The following DST variants were observed in gnomAD, a reference collection of about 807,000 sequenced individuals.
DST encodes bullous pemphigoid antigen.
DST carries 253 observed loss-of-function variants against 875.2 expected under a neutral mutation model. The ratio of observed to expected loss-of-function variants is 0.29; its 90% confidence interval spans 0.26 to 0.32. The LOEUF (loss-of-function observed/expected upper bound fraction) is 0.32. DST is among the 10% of genes least tolerant of loss of function. The probability of loss-of-function intolerance (pLI) is 1.00; values close to 1 mark genes in which losing one functional copy is unlikely to be tolerated. For missense variants in DST, 8,287 were observed against 9,111.6 expected (o/e 0.91, Z 3.68); for synonymous variants, 3,124 against 3,197.1 (o/e 0.98, Z 0.77).
chr6:56,653,558 G>A (rs139981559), intron 10 of DST, among the ~76,000 whole-genome samples: 193 of 152,008 alleles, frequency 1.3e-3, no homozygotes, highest in African/African-American at 4.3e-3. Flanking sequence ...GATGGCAGGC[G>A]CCTGTAATCC....
At chr6:56,496,820 A>G (rs1471817936) in intron 82 of DST, among the ~76,000 whole-genome samples, 1 of 152,178 alleles carries the variant, frequency 6.6e-6, no homozygotes, top group Non-Finnish European at 1.5e-5. Flanking sequence ...TACACCATGG[A>G]ATACTATGCA....
chr6:56,798,626 A>T (rs2153017659), intron 4 of DST, among the ~76,000 whole-genome samples: 2 of 152,336 alleles, frequency 1.3e-5, no homozygotes, highest in South Asian at 4.1e-4. Flanking sequence ...AGCCCATGGA[A>T]CAAGGTGTAA....
At chr6:56,856,850 G>A (rs191650369) in intron 3 of DST, among the ~76,000 whole-genome samples, 1 of 152,164 alleles carries the variant, frequency 6.6e-6, no homozygotes, top group African/African-American at 2.4e-5. Flanking sequence ...TGCAGGCTGA[G>A]GAAACCCAAG....
At chr6:56,546,476 GAAAA>G (rs564177169) in intron 61 of DST, among the ~76,000 whole-genome samples, 5 of 126,398 alleles carry the variant, frequency 4.0e-5, no homozygotes, top group Non-Finnish European at 8.4e-5. Context: ...TTTCTTCAGA[GAAAA>G]AAAAAAACAA....
chr6:56,506,844 T>C (rs1397436425), intron 75 of DST, 55 bp from the exon 76 acceptor site: 1 of 1,549,518 alleles, frequency 6.5e-7, no homozygotes, highest in African/African-American at 1.4e-5. Flanking sequence ...ATCAAAACTT[T>C]AAAAAGTACA....
At position 56,634,137 on chromosome 6, in the gene DST, C is replaced by T. The variant is rs1344891252; in HGVS notation, c.3616G>A (p.Ala1206Thr). The change falls in exon 27 of 104, where the codon GCT (alanine) becomes ACT (threonine). Residue 1206 changes from alanine (A) to threonine (T), a missense_variant. By Grantham distance (58) the Ala-to-Thr change is moderately conservative. Around this residue, in one of 10 missense-constraint regions of DST, gnomAD observed 3,138 missense variants for 3,116.6 expected, o/e 1.01. Transcript: ENST00000680361. The part of the protein sequence containing the change: ...EIDRIRASNV[A>T]SIKTMLPGEH... Reference sequence around the variant, plus strand: ...ACATACAGATTCATACTTACTGAAGCCACATTGCTAGCTCGAATTCTATCA... The same window carrying T: ...ACATACAGATTCATACTTACTGAAGTCACATTGCTAGCTCGAATTCTATCA... 1 of 1,613,008 alleles carries T rather than the reference C, an allele frequency of 6.2e-7. No homozygotes were observed. Among genetic ancestry groups the T allele is most frequent in the Admixed American group, 1.7e-5 (1 of 60,014 alleles).
At chr6:56,886,170 T>G (rs1229202558) in intron 3 of DST, among the ~76,000 whole-genome samples, 1 of 152,114 alleles carries the variant, frequency 6.6e-6, no homozygotes, top group Non-Finnish European at 1.5e-5. Flanking sequence ...ATTCCTCCAG[T>G]CAAATGGAAT....
chr6:56,631,891 C>G lies in DST; in HGVS notation c.3955G>C (p.Glu1319Gln). Residue 1319 changes from glutamate to glutamine, a missense_variant, in exon 29 of 104, where the codon GAA becomes CAA. Glu to Gln is a conservative substitution (Grantham distance 29, BLOSUM62 2). Coordinates refer to ENST00000680361, the MANE Select transcript of DST (RefSeq NM_001374736.1). ...ATATTTATAGCTCTCACCTCCTGTT[C>G]TGTGATTCTGAACACACTTTCATGC... ...DLHESVFRIT[E>Q]QEKLKKELER... The G allele has an allele frequency of 6.2e-7, 1 of 1,613,954 alleles. No individual in the cohort carries two copies. Among genetic ancestry groups the G allele is most frequent in the Non-Finnish European group, 8.5e-7 (1 of 1,179,900 alleles).
chr6:56,827,942 C>T (rs1454374344), intron 4 of DST, among the ~76,000 whole-genome samples: 1 of 152,178 alleles, frequency 6.6e-6, no homozygotes, highest in South Asian at 2.1e-4. Context: ...ACCCCACCCC[C>T]ACACACATAC....
At chr6:56,624,043 G>A (rs2098712923) in intron 36 of DST, among the ~76,000 whole-genome samples, 1 of 150,816 alleles carries the variant, frequency 6.6e-6, no homozygotes, top group South Asian at 2.1e-4. Context: ...TTGTAAAAAC[G>A]TCTACTACTT....
intron 90 of DST, among the ~76,000 whole-genome samples, chr6:56,480,955 T>C (rs1189885581): frequency 6.6e-6 from 1 of 152,232 alleles, no homozygotes; most frequent in Non-Finnish European, 1.5e-5. Context: ...TTTCAAAATA[T>C]TGAACTGACT....
Position 56,594,121 on chromosome 6 carries a change from C to T in DST, c.12268G>A (p.Glu4090Lys). The T allele has an allele frequency of 3.1e-6, 5 of 1,602,538 alleles. No individual in the cohort carries two copies. The highest frequency in any genetic ancestry group is 4.3e-6 in the Non-Finnish European group (5 of 1,175,982). ...GGAGAGAGATACTGACCCTGTTTCT[C>T]AAGCAACACTTGTGCAGACTGAGTG... is the stretch of plus-strand genomic sequence containing the variant. ...IATQSAQVLL[E>K]KQGQYLSPEE... is the part of the protein sequence containing the mutation. Residue 4090 changes from glutamate (E) to lysine (K), a missense_variant, in exon 48 of 104, where the codon GAG becomes AAG. Transcript: ENST00000680361.
intron 4 of DST, among the ~76,000 whole-genome samples, chr6:56,835,164 T>A (rs946611584): frequency 6.6e-6 from 1 of 152,084 alleles, no homozygotes; most frequent in African/African-American, 2.4e-5. Flanking sequence ...AGCAAAACGA[T>A]CAGTGGTTGT....
At chr6:56,610,593 T>C in intron 38 of DST, 31 bp from the exon 39 acceptor site, 2 of 1,548,748 alleles carry the variant, frequency 1.3e-6, no homozygotes, top group Non-Finnish European at 1.7e-6. Context: ...AAAAGACTAA[T>C]GCAAGTCGTC....
At chr6:56,833,097 A>G (rs1280781914) in intron 4 of DST, among the ~76,000 whole-genome samples, 1 of 152,236 alleles carries the variant, frequency 6.6e-6, no homozygotes, top group Non-Finnish European at 1.5e-5. Flanking sequence ...AGATCGCAAG[A>G]CGAACAACCA....
chr6:56,514,231 T>C (rs2152483440), intron 72 of DST, among the ~76,000 whole-genome samples: 1 of 152,296 alleles, frequency 6.6e-6, no homozygotes, highest in African/African-American at 2.4e-5. Flanking sequence ...CATGAAACAT[T>C]TTTCATTTAA....
chr6:56,489,400 G>T, intron 86 of DST, 90 bp downstream of exon 86: 2 of 1,332,978 alleles, frequency 1.5e-6, no homozygotes, highest in Non-Finnish European at 9.9e-7. Flanking sequence ...TTTTTCTTTA[G>T]TGATGAATAA....
At chr6:56,494,688 GAATTAT>G (rs2095853550) in intron 82 of DST, among the ~76,000 whole-genome samples, 2 of 151,974 alleles carry the variant, frequency 1.3e-5, no homozygotes, top group Admixed American at 1.3e-4. Context: ...TGATTATTCA[GAATTAT>G]AAGAATCAAA....
chr6:56,945,548 G>A (rs1025477370), intron 2 of DST, among the ~76,000 whole-genome samples: 4 of 151,932 alleles, frequency 2.6e-5, no homozygotes, highest in Admixed American at 1.3e-4. Context: ...ACATCTATGG[G>A]AAAATGAGGA....
Sources: allele counts gnomAD v4.1 joint callset (sites outside exome capture counted in the v4.1 genomes callset), GRCh38; gene constraint gnomAD v4.1.1; regional missense constraint gnomAD v4.1.1; transcripts MANE v1.5; gene names NCBI Gene and HGNC (gene_info 2026-07-23, HGNC 2026-07-21).